TFAP4: variants seen among roughly 807,000 people sequenced by gnomAD.
The protein encoded by TFAP4 is transcription factor AP-4.
A neutral mutation model predicts 40.4 loss-of-function variants in TFAP4; 7 were observed. The ratio of observed to expected loss-of-function variants is 0.17; its 90% CI spans 0.10 to 0.33. The LOEUF (loss-of-function observed/expected upper bound fraction) is 0.33, where lower values mean the gene tolerates loss of function less well. Among genes scored for constraint, TFAP4 ranks in the 10% least tolerant of loss-of-function variants. TFAP4 has a pLI of 1.00. For synonymous variants in TFAP4, 218 were observed against 181.4 expected, an observed-to-expected ratio of 1.20 and a Z score of -1.62; for missense variants, 374 against 451.1, an observed-to-expected ratio of 0.83 and a Z score of 1.55.
intron 6 of TFAP4, 130 bp from the exon 7 acceptor site, chr16:4,258,379 A>G: frequency 1.2e-6 from 1 of 848,798 alleles, no homozygotes; most frequent in Non-Finnish European, 1.8e-6. Flanking sequence ...GCAAAGCAGC[A>G]GGGGAGGCCC....
At chr16:4,271,831 C>T (rs1267326154) in intron 1 of TFAP4, among the ~76,000 whole-genome samples, 4 of 152,226 alleles carry the variant, frequency 2.6e-5, no homozygotes, top group African/African-American at 9.6e-5. Context: ...CCATCGTGCC[C>T]GCGGGGGCCG....
In TFAP4 at chr16:4,257,805, G is replaced by A. The variant is rs60033004; in HGVS notation, c.*250C>T. ...GGCATCTCCGTGTCAGCTTCCTCCA[G>A]CCCCCGGGGCCGAGGCCCCGCCCTG... is the stretch of plus-strand genomic sequence containing the variant. On this transcript the variant is annotated 3_prime_UTR_variant, in exon 7 of 7. Coordinates refer to ENST00000204517, the MANE Select transcript of TFAP4 (RefSeq NM_003223.3). 1,038 of 406,486 alleles carry A rather than the reference G, an allele frequency of 2.6e-3. 9 individuals are homozygous for A. The highest frequency in any genetic ancestry group is 0.02 in the African/African-American group (965 of 48,316). The allele number at this position is 406,486 out of a possible 1,614,324, so 25.2% of individuals were successfully genotyped here.
Position 4,261,848 on chromosome 16 carries a change from C to G in TFAP4, c.456G>C (p.Arg152=). 6.2e-7 allele frequency: 1 copy of G among 1,613,556 alleles called. No homozygotes were observed. The highest frequency in any genetic ancestry group is 1.1e-5 in the South Asian group (1 of 90,932). ...GCTGCCGCAGCTCAATCATCTCCCGCCGCAGGTCCTCCGCCTTCTCGTCCT... is the reference window on the plus strand; with the variant it reads ...GCTGCCGCAGCTCAATCATCTCCCGGCGCAGGTCCTCCGCCTTCTCGTCCT... ...IWEDEKAEDL[R]REMIELRQQL... Residue 152 remains arginine, a synonymous_variant, in exon 4 of 7, where the codon CGG becomes CGC. Coordinates refer to ENST00000204517, the MANE Select transcript of TFAP4 (RefSeq NM_003223.3).
chr16:4,264,281 T>C (rs773677443), intron 1 of TFAP4: 259 of 152,888 alleles, frequency 1.7e-3, no homozygotes, highest in Middle Eastern at 0.01. Context: ...GAAACAGCCG[T>C]GGCCTTCCTG....
At chr16:4,272,157 G>A (rs576738732) in intron 1 of TFAP4, among the ~76,000 whole-genome samples, 1 of 150,928 alleles carries the variant, frequency 6.6e-6, no homozygotes, top group African/African-American at 2.4e-5. Flanking sequence ...AACACGCACA[G>A]TGCCCGGCTC....
At position 4,272,947 on chromosome 16, in the gene TFAP4, CGTGTGTATGTGTGTGT is replaced by C. The variant is rs1484085093; in HGVS notation, c.-217_-202del. 2.2e-6 allele frequency: 1 copy of C among 458,522 alleles called. No homozygotes were observed. Among genetic ancestry groups the C allele is most frequent in the Non-Finnish European group, 3.9e-6 (1 of 253,636 alleles). 28.4% of individuals were successfully genotyped at this position (458,522 alleles called of 1,614,324 possible). ...GGTCTCTCCGGCCTGCCTCCCCGGGCGTGTGTATGTGTGTGTGTGTGTGTGTGTGTGTGTGTGTGTG... is the reference window on the plus strand; with the variant it reads ...GGTCTCTCCGGCCTGCCTCCCCGGGCGTGTGTGTGTGTGTGTGTGTGTGTG... On this transcript the variant is annotated 5_prime_UTR_variant, in exon 1 of 7. Transcript: ENST00000204517.
At chr16:4,269,337 C>G (rs1014302895) in intron 1 of TFAP4, among the ~76,000 whole-genome samples, 2 of 150,982 alleles carry the variant, frequency 1.3e-5, no homozygotes, top group Non-Finnish European at 3.0e-5. Context: ...AATTAAAATA[C>G]AAAAAATTAG....
At chr16:4,258,969 TC>T (rs1347696492) in intron 6 of TFAP4, among the ~76,000 whole-genome samples, 1 of 151,530 alleles carries the variant, frequency 6.6e-6, no homozygotes, top group East Asian at 2.0e-4. Flanking sequence ...ATGCCTATAA[TC>T]CCAGCTACTT....
intron 1 of TFAP4, chr16:4,265,032 C>T (rs2052980485): frequency 6.6e-6 from 1 of 152,102 alleles, no homozygotes; most frequent in South Asian, 2.1e-4. Context: ...AGCCTTGGGC[C>T]ACCTGAGAGC....
intron 6 of TFAP4, 171 bp from the exon 7 acceptor site, chr16:4,258,420 AC>A (rs1168391045): frequency 3.3e-6 from 2 of 601,096 alleles, no homozygotes; most frequent in Non-Finnish European, 5.7e-6. Context: ...AACTCCTTTT[AC>A]TTTTTTTTTG....
At chr16:4,271,910 G>C (rs1022597558) in intron 1 of TFAP4, among the ~76,000 whole-genome samples, 1 of 152,198 alleles carries the variant, frequency 6.6e-6, no homozygotes, top group Admixed American at 6.5e-5. Context: ...AGCAGGACAC[G>C]GAGAACTACA....
chr16:4,264,893 T>A (rs972472905), intron 1 of TFAP4: 1 of 152,028 alleles, frequency 6.6e-6, no homozygotes, highest in Non-Finnish European at 1.5e-5. Flanking sequence ...GTAAGTGCAA[T>A]CTTGAGGCAT....
rs758708073 is a variant in TFAP4 at position 4,272,684 on chromosome 16, C to T, written c.63G>A (p.Glu21=). The T allele has an allele frequency of 2.4e-5, 38 of 1,613,186 alleles. No individual in the cohort carries two copies. The South Asian group carries it at 4.0e-4, about 17-fold the overall frequency. The change falls in exon 1 of 7, where the codon GAG becomes GAA. Residue 21 remains glutamate (E), a synonymous_variant. Transcript: ENST00000204517. ...VPSLQHFRKT[E]KEVIGGLCSL... The stretch of plus-strand genomic sequence containing the variant: ...TACAGAGCCCTCCTATCACTTCTTT[C>T]TCTGTTTTCCTGAAATGTTGCAAAG...
At chr16:4,268,321 T>G (rs2053013841) in intron 1 of TFAP4, among the ~76,000 whole-genome samples, 1 of 152,068 alleles carries the variant, frequency 6.6e-6, no homozygotes, top group Non-Finnish European at 1.5e-5. Context: ...TCCCAGCTAC[T>G]CGGGAGGTCG....
At chr16:4,262,208 G>T in intron 3 of TFAP4, 116 bp downstream of exon 3, 1 of 1,249,880 alleles carries the variant, frequency 8.0e-7, no homozygotes, top group Non-Finnish European at 1.2e-6. Flanking sequence ...AAAGTGCCTG[G>T]AAGTACTTGT....
At chr16:4,258,469 A>C (rs1206969443) in intron 6 of TFAP4, 1 of 495,302 alleles carries the variant, frequency 2.0e-6, no homozygotes, top group Non-Finnish European at 3.6e-6. Flanking sequence ...GCTAGAGTGC[A>C]GTGGCATGAT....
rs553743312 is a variant in TFAP4 at position 4,258,942 on chromosome 16, G to T, written c.823-693C>A. 7 of 152,010 alleles carry T rather than the reference G, an allele frequency of 4.6e-5. No homozygotes were observed. The East Asian group carries it at 1.4e-3, about 30-fold the overall frequency. 9.4% of individuals were successfully genotyped at this position (152,010 alleles called of 1,614,324 possible). ...GAAGCCTACTAAAAATACAAAATTT[G>T]CCAGGCGTGGTGGCACATGCCTATA... On this transcript the variant is annotated intron_variant, in intron 6 of 6. Coordinates refer to ENST00000204517, the MANE Select transcript of TFAP4 (RefSeq NM_003223.3).
Position 4,258,069 on chromosome 16 carries a change from C to A in TFAP4, c.1003G>T (p.Gly335Trp). ...DQSREEPSGD[G>W]ELP Reference sequence around the variant, plus strand: ...TGGGGGGGTAGTCAGGGAAGCTCCCCGTCCCCCGACGGCTCCTCCCGGCTC... The same window carrying A: ...TGGGGGGGTAGTCAGGGAAGCTCCCAGTCCCCCGACGGCTCCTCCCGGCTC... Residue 335 changes from glycine to tryptophan, a missense_variant, in exon 7 of 7, where the codon GGG becomes TGG. By Grantham distance (184) the Gly-to-Trp change is radical. Coordinates refer to ENST00000204517, the MANE Select transcript of TFAP4 (RefSeq NM_003223.3). The A allele has an allele frequency of 6.2e-7, 1 of 1,611,964 alleles. No homozygotes were observed. Among genetic ancestry groups the A allele is most frequent in the Non-Finnish European group, 8.5e-7 (1 of 1,179,670 alleles).
intron 3 of TFAP4, 29 bp from the exon 4 acceptor site, chr16:4,261,978 G>T: frequency 1.9e-6 from 3 of 1,576,900 alleles, no homozygotes; most frequent in Non-Finnish European, 8.6e-7. Flanking sequence ...CGGTCAGTGT[G>T]CCTGACACCT....
Sources: allele counts gnomAD v4.1 joint callset (sites outside exome capture counted in the v4.1 genomes callset), GRCh38; gene constraint gnomAD v4.1.1; transcripts MANE v1.5; gene names NCBI Gene and HGNC (gene_info 2026-07-23, HGNC 2026-07-21).